Variants in CMTM4 observed in about 807,000 individuals in gnomAD.
The protein encoded by CMTM4 is CKLF-like MARVEL transmembrane domain-containing protein 4.
Under a neutral mutation model 19.0 loss-of-function variants are expected in CMTM4, and 8 were observed. The ratio of observed to expected loss-of-function variants is 0.42; its 90% CI spans 0.25 to 0.76. The LOEUF (loss-of-function observed/expected upper bound fraction) is 0.76, where lower values mean the gene tolerates loss of function less well. Ranked by LOEUF, CMTM4 falls within the 30% of genes least tolerant of loss-of-function variation. The probability of loss-of-function intolerance (pLI) is 0.27; values close to 1 mark genes in which losing one functional copy is unlikely to be tolerated. For synonymous variants in CMTM4, 106 were observed against 121.1 expected, an observed-to-expected ratio of 0.88 and a Z score of 0.82; for missense variants, 228 against 290.2, an observed-to-expected ratio of 0.79 and a Z score of 1.56.
At chr16:66,633,486 C>T (rs1337326920) in intron 2 of CMTM4, among the ~76,000 whole-genome samples, 3 of 152,024 alleles carry the variant, frequency 2.0e-5, no homozygotes, top group Admixed American at 1.3e-4. Context: ...CACTTTTTCA[C>T]CCCTCTCAGA....
In CMTM4 at chr16:66,618,532, G is replaced by A; in HGVS notation, c.*3526C>T. ...CTCAGAGCACATGGATAGGTGACGGGTTTCTCATGTGAATCTACAAGAAAA... is the reference window on the plus strand; with the variant it reads ...CTCAGAGCACATGGATAGGTGACGGATTTCTCATGTGAATCTACAAGAAAA... On this transcript the variant is annotated 3_prime_UTR_variant, in exon 4 of 4. Transcript: ENST00000394106. 1 of 985,496 alleles carries A rather than the reference G, an allele frequency of 1.0e-6. No homozygotes were observed. The highest frequency in any genetic ancestry group is 1.2e-6 in the Non-Finnish European group (1 of 829,966). The allele number at this position is 985,496 out of a possible 1,614,324, so 61.0% of individuals were successfully genotyped here.
downstream of CMTM4, among the ~76,000 whole-genome samples, chr16:66,612,307 G>A (rs2015406539): frequency 2.0e-5 from 3 of 152,140 alleles, no homozygotes; most frequent in African/African-American, 7.2e-5. This position sits in a 1 kb window ranked among gnomAD's most constrained non-coding sequence, Gnocchi z 6.0. Context: ...TCGGGAGGGA[G>A]GAAGTTGCAG....
At chr16:66,640,357 C>T (rs1596922374) in intron 1 of CMTM4, among the ~76,000 whole-genome samples, 1 of 152,128 alleles carries the variant, frequency 6.6e-6, no homozygotes, top group East Asian at 1.9e-4. Context: ...CTGGAGGGTG[C>T]TATTTGAGAC....
In CMTM4 at chr16:66,617,964, G is replaced by C; in HGVS notation, c.*4094C>G. On this transcript the variant is annotated 3_prime_UTR_variant, in exon 4 of 4. Coordinates refer to ENST00000394106, the MANE Select transcript of CMTM4 (RefSeq NM_181521.3). ...ACACGTTTCCAAGACAGCCTGAGCT[G>C]TCTAGTGCTGATAGCAGACAGGTGG... The C allele has an allele frequency of 1.0e-6, 1 of 986,210 alleles. No homozygotes were observed. The highest frequency in any genetic ancestry group is 1.2e-6 in the Non-Finnish European group (1 of 830,486). 61.1% of individuals were successfully genotyped at this position (986,210 alleles called of 1,614,324 possible).
downstream of CMTM4, chr16:66,613,797 T>C (rs1482252685): frequency 1.3e-5 from 2 of 152,228 alleles, no homozygotes; most frequent in East Asian, 1.9e-4. Context: ...CTGTTGGGTA[T>C]TGTATCAGGC....
the CMTM4 span, among the ~76,000 whole-genome samples, chr16:66,603,657 T>G: frequency 3.3e-5 from 5 of 152,188 alleles, no homozygotes; most frequent in Non-Finnish European, 5.9e-5. Context: ...AAATGAAGTC[T>G]TTTTCTAAGA....
chr16:66,613,831 A>G (rs1185747548), downstream of CMTM4: 3 of 152,252 alleles, frequency 2.0e-5, no homozygotes, highest in East Asian at 3.8e-4. Flanking sequence ...GGTAACACCA[A>G]TGTGGATCCT....
rs374596353 is a variant in CMTM4 at position 66,621,145 on chromosome 16, G to GGT, written c.*911_*912dup. ...TTAGCACACATCCCTAAAATAGAGG[G>GGT]GTGTGTGTGTGCATGTGTGCGCGCA... On this transcript the variant is annotated 3_prime_UTR_variant, in exon 4 of 4. Transcript: ENST00000394106. The GGT allele has an allele frequency of 3.0e-6, 3 of 985,608 alleles. No homozygotes were observed. The highest frequency in any genetic ancestry group is 3.6e-6 in the Non-Finnish European group (3 of 829,930). The allele number at this position is 985,608 out of a possible 1,614,324, so 61.1% of individuals were successfully genotyped here.
At chr16:66,637,984 G>A (rs1192711781) in intron 1 of CMTM4, among the ~76,000 whole-genome samples, 2 of 152,220 alleles carry the variant, frequency 1.3e-5, no homozygotes, top group Non-Finnish European at 2.9e-5. Flanking sequence ...AATGCCAGCA[G>A]CATCCAAGGC....
At chr16:66,605,016 T>C in the CMTM4 span, 1 of 1,347,204 alleles carries the variant, frequency 7.4e-7, no homozygotes, top group Admixed American at 3.7e-5. This position sits in a 1 kb window ranked among gnomAD's most constrained non-coding sequence, Gnocchi z 4.6. Context: ...GAGGAGGACG[T>C]CGGGGCGCGG....
the CMTM4 span, among the ~76,000 whole-genome samples, chr16:66,600,134 G>GGGGGT: frequency 2.5e-4 from 32 of 129,826 alleles, no homozygotes; most frequent in African/African-American, 9.9e-4. Flanking sequence ...GTGTGTGTGT[G>GGGGGT]TGTTTTTTTT....
At position 66,619,595 on chromosome 16, in the gene CMTM4, C is replaced by G. The variant is rs2015591688; in HGVS notation, c.*2463G>C. ...ATTGTCTTCTGTTTGCATATAGAGG[C>G]AATATAAGAAAAATATAGGCGTCTT... On this transcript the variant is annotated 3_prime_UTR_variant, in exon 4 of 4. Transcript: ENST00000394106. The G allele has an allele frequency of 1.0e-6, 1 of 985,082 alleles. No homozygotes were observed. Among genetic ancestry groups the G allele is most frequent in the African/African-American group, 1.7e-5 (1 of 57,148 alleles). 61.0% of individuals were successfully genotyped at this position (985,082 alleles called of 1,614,324 possible).
chr16:66,672,019 G>A lies in CMTM4; in HGVS notation c.186+24321C>T, dbSNP rs563866552. Among the ~76,000 whole-genome samples the A allele has an allele frequency of 3.3e-5, 5 of 152,008 alleles. No individual in the cohort carries two copies. The South Asian group carries it at 1.0e-3, about 32-fold the overall frequency. ...CCAGCCTGGGCAACACAGTTAGACC[G>A]TGTCTCAAAATACACACACACACAC... On this transcript the variant is annotated intron_variant, in intron 1 of 3. Transcript: ENST00000394106.
chr16:66,671,478 A>G (rs552814425), intron 1 of CMTM4, among the ~76,000 whole-genome samples: 4 of 152,316 alleles, frequency 2.6e-5, no homozygotes, highest in Non-Finnish European at 5.9e-5. Context: ...GAGAACAACA[A>G]TGGTTTCATA....
At position 66,619,118 on chromosome 16, in the gene CMTM4, A is replaced by C; in HGVS notation, c.*2940T>G. 2 of 985,496 alleles carry C rather than the reference A, an allele frequency of 2.0e-6. No individual in the cohort carries two copies. The highest frequency in any genetic ancestry group is 2.4e-6 in the Non-Finnish European group (2 of 829,944). 61.0% of individuals were successfully genotyped at this position (985,496 alleles called of 1,614,324 possible). ...CTTCCCAGCTTTATGTGGGGCCAAC[A>C]AGTATCTCCAGCCTTTCATGACTGT... On this transcript the variant is annotated 3_prime_UTR_variant, in exon 4 of 4. Transcript: ENST00000394106.
At chr16:66,659,000 T>C (rs529602594) in intron 1 of CMTM4, among the ~76,000 whole-genome samples, 11 of 152,250 alleles carry the variant, frequency 7.2e-5, no homozygotes, top group African/African-American at 2.6e-4. Flanking sequence ...CAGCTTCTTT[T>C]CATCCCACCC....
rs771044359 is a variant in CMTM4 at position 66,674,732 on chromosome 16, C to CTT, written c.186+21606_186+21607dup. Among the ~76,000 whole-genome samples the CTT allele has an allele frequency of 1.3e-3, 120 of 92,486 alleles. 6 individuals carry two copies. The highest frequency in any genetic ancestry group is 3.0e-3 in the African/African-American group (69 of 22,772). The allele number at this position is 92,486 out of a possible 152,430, so 60.7% of individuals were successfully genotyped here. A position where few individuals can be genotyped will look rare whatever the true frequency, so the allele number is the denominator to read the frequency against. On this transcript the variant is annotated intron_variant, in intron 1 of 3. Coordinates refer to ENST00000394106, the MANE Select transcript of CMTM4 (RefSeq NM_181521.3). The stretch of plus-strand genomic sequence containing the variant: ...CAAGTGCTGAAAGGTGTTACATATT[C>CTT]TTTTTTTTTTTTTTTTTTTTTTTTT...
Position 66,617,746 on chromosome 16 carries a change from G to A in CMTM4, c.*4312C>T, listed in dbSNP as rs568026030. 4.1e-5 allele frequency: 42 copies of A among 1,017,058 alleles called. 2 individuals are homozygous for A. The South Asian group carries it at 5.7e-4, about 14-fold the overall frequency. The allele number at this position is 1,017,058 out of a possible 1,614,324, so 63.0% of individuals were successfully genotyped here. On this transcript the variant is annotated 3_prime_UTR_variant, in exon 4 of 4. Coordinates refer to ENST00000394106, the MANE Select transcript of CMTM4 (RefSeq NM_181521.3). ...TAAAAGCTGAGGGTGTCAGGCCTGC[G>A]TCCTGTCTGAGATGGCAGCCAAGCC...
At chr16:66,693,729 T>G (rs2017179031) in intron 1 of CMTM4, among the ~76,000 whole-genome samples, 1 of 152,082 alleles carries the variant, frequency 6.6e-6, no homozygotes, top group Non-Finnish European at 1.5e-5. Flanking sequence ...GGATGAAAAG[T>G]ACAAATCTAG....
Sources: allele counts gnomAD v4.1 joint callset (sites outside exome capture counted in the v4.1 genomes callset), GRCh38; gene constraint gnomAD v4.1.1; non-coding constraint Gnocchi (gnomAD v3.1); transcripts MANE v1.5; gene names NCBI Gene and HGNC (gene_info 2026-07-23, HGNC 2026-07-21).